The following FOXK1 variants were observed in gnomAD, a reference collection of about 807,000 sequenced individuals.
FOXK1 encodes the protein forkhead box K1.
Under a neutral mutation model 51.9 loss-of-function variants are expected in FOXK1, and 19 were observed. The ratio of observed to expected loss-of-function variants is 0.37; its 90% CI spans 0.26 to 0.54. FOXK1 has a LOEUF of 0.54. Among genes scored for constraint, FOXK1 ranks in the 20% least tolerant of loss-of-function variants. FOXK1 has a pLI of 0.87. For missense variants in FOXK1, 870 were observed against 1,032.7 expected, an observed-to-expected ratio of 0.84 and a Z score of 2.16; for synonymous variants, 537 against 482.6, an observed-to-expected ratio of 1.11 and a Z score of -1.48.
chr7:4,725,384 C>T (rs550295264), intron 1 of FOXK1, among the ~76,000 whole-genome samples: 6 of 152,240 alleles, frequency 3.9e-5, no homozygotes, highest in African/African-American at 1.4e-4. Context: ...GTGATGTCAT[C>T]GGATTTTTTT....
chr7:4,739,652 G>A (rs144189779), intron 1 of FOXK1, among the ~76,000 whole-genome samples: 3 of 152,176 alleles, frequency 2.0e-5, no homozygotes, highest in African/African-American at 7.2e-5. Context: ...CGAGGCTCAC[G>A]GTTTTAAGCC....
rs1781090810 is a variant in FOXK1, at chr7:4,770,902, T to C, written c.*8438T>C. The C allele has an allele frequency of 7.1e-6, 1 of 140,248 alleles. No individual in the cohort carries two copies. Among genetic ancestry groups the C allele is most frequent in the Admixed American group, 7.0e-5 (1 of 14,196 alleles). The allele number at this position is 140,248 out of a possible 1,614,324, so 8.7% of individuals were successfully genotyped here. On this transcript the variant is annotated 3_prime_UTR_variant, in exon 9 of 9. Transcript: ENST00000328914. ...GTGTGTGTGTGTGTGTGTGTGTGTG[T>C]ATTTTTTTTTTTACAGTGGCGCCTG...
intron 1 of FOXK1, among the ~76,000 whole-genome samples, chr7:4,716,297 C>T (rs1780233794): frequency 6.6e-6 from 1 of 151,500 alleles, no homozygotes; most frequent in South Asian, 2.1e-4. Flanking sequence ...GCCAGGAGTT[C>T]AAGACCAGCC....
intron 2 of FOXK1, among the ~76,000 whole-genome samples, chr7:4,746,434 C>T (rs1056978626): frequency 1.8e-4 from 27 of 152,010 alleles, no homozygotes; most frequent in African/African-American, 6.0e-4. Context: ...TGGTGACGCA[C>T]TTTGGGAAGC....
rs933516743 is a variant in FOXK1 at position 4,747,153 on chromosome 7, G to A, written c.746+6130G>A. Among the ~76,000 whole-genome samples, 4 of 152,206 alleles carry A rather than the reference G, an allele frequency of 2.6e-5. No individual in the cohort carries two copies. The highest frequency in any genetic ancestry group is 5.9e-5 in the Non-Finnish European group (4 of 68,038). Reference sequence around the variant, plus strand: ...CCACGCCCGCGTTTCCTGTAATCTCGGAGGGTCCTAGCGCCCGACTTCTCA... The same window carrying A: ...CCACGCCCGCGTTTCCTGTAATCTCAGAGGGTCCTAGCGCCCGACTTCTCA... On this transcript the variant is annotated intron_variant, in intron 2 of 8. Coordinates refer to ENST00000328914, the MANE Select transcript of FOXK1 (RefSeq NM_001037165.2). This position sits in a 1 kb window ranked among gnomAD's most constrained non-coding sequence, Gnocchi z 9.2.
rs1780438967 is a variant in FOXK1, at chr7:4,730,646, C to G, written c.561-10192C>G. On this transcript the variant is annotated intron_variant, in intron 1 of 8. Transcript: ENST00000328914. The surrounding 1 kb of genome is among the most constrained non-coding windows in gnomAD (Gnocchi z 4.7). ...TGAGACGTCCTTGCTGCGGGTTCGT[C>G]TGTAACCTGTGTCCCTTCACTGCCA... is the stretch of plus-strand genomic sequence containing the variant. Among the ~76,000 whole-genome samples the G allele has an allele frequency of 6.6e-6, 1 of 152,218 alleles. No homozygotes were observed. Among genetic ancestry groups the G allele is most frequent in the Non-Finnish European group, 1.5e-5 (1 of 68,036 alleles).
At chr7:4,746,713 A>G (rs892690899) in intron 2 of FOXK1, among the ~76,000 whole-genome samples, 5 of 152,180 alleles carry the variant, frequency 3.3e-5, no homozygotes, top group African/African-American at 7.2e-5. Flanking sequence ...AAAAAACACA[A>G]GTTTGTGGCT....
rs997482798 is a variant in FOXK1, at chr7:4,709,776, C to G, written c.560+26908C>G. On this transcript the variant is annotated intron_variant, in intron 1 of 8. Transcript: ENST00000328914. The surrounding 1 kb of genome is among the most constrained non-coding windows in gnomAD (Gnocchi z 5.6). Reference sequence around the variant, plus strand: ...TAATTCTTGGCGTTGAGTGACCTCACGATGTGCTGTCCGTCTTCTCGCTGT... The same window carrying G: ...TAATTCTTGGCGTTGAGTGACCTCAGGATGTGCTGTCCGTCTTCTCGCTGT... 6.6e-6 allele frequency among the ~76,000 whole-genome samples: 1 copy of G among 152,192 alleles called. No individual in the cohort carries two copies. The highest frequency in any genetic ancestry group is 2.4e-5 in the African/African-American group (1 of 41,444).
intron 1 of FOXK1, among the ~76,000 whole-genome samples, chr7:4,705,562 T>TCTCTCG (rs1780078035): frequency 6.7e-6 from 1 of 150,360 alleles, no homozygotes; most frequent in Non-Finnish European, 1.5e-5. Flanking sequence ...TCTCTCTCGC[T>TCTCTCG]CTCGCTCTCT....
chr7:4,735,361 C>A lies in FOXK1; in HGVS notation c.561-5477C>A, dbSNP rs941198246. The stretch of plus-strand genomic sequence containing the variant: ...TCCCCAAAAACAGCTTGCCTGAGAT[C>A]GACTGCACATACCTTACAACTAACC... On this transcript the variant is annotated intron_variant, in intron 1 of 8. Transcript: ENST00000328914. The surrounding 1 kb of genome is among the most constrained non-coding windows in gnomAD (Gnocchi z 4.7). Among the ~76,000 whole-genome samples the A allele has an allele frequency of 3.9e-5, 6 of 152,196 alleles. No homozygotes were observed. The highest frequency in any genetic ancestry group is 8.8e-5 in the Non-Finnish European group (6 of 68,034).
intron 1 of FOXK1, among the ~76,000 whole-genome samples, chr7:4,726,307 G>C (rs1331059402): frequency 6.6e-6 from 1 of 152,228 alleles, no homozygotes; most frequent in Admixed American, 6.5e-5. Flanking sequence ...GCAGGACGGC[G>C]ATCACCTTCC....
chr7:4,760,721 G>C (rs1347538210), intron 7 of FOXK1, among the ~76,000 whole-genome samples: 3 of 152,064 alleles, frequency 2.0e-5, no homozygotes, highest in African/African-American at 7.2e-5. Context: ...TGTGGTGGCA[G>C]GCGCCTGTAG....
chr7:4,737,438 G>GCGTGTGTGTGCGTGCA (rs1478322598), intron 1 of FOXK1, among the ~76,000 whole-genome samples: 1 of 143,848 alleles, frequency 7.0e-6, no homozygotes, highest in Non-Finnish European at 1.5e-5. Flanking sequence ...GTGTGTGCAT[G>GCGTGTGTGTGCGTGCA]CGTGTGTGTG....
rs987453655 is a variant in FOXK1, at chr7:4,743,044, G to T, written c.746+2021G>T. 6.6e-6 allele frequency among the ~76,000 whole-genome samples: 1 copy of T among 152,178 alleles called. No homozygotes were observed. Among genetic ancestry groups the T allele is most frequent in the Non-Finnish European group, 1.5e-5 (1 of 68,030 alleles). Reference sequence around the variant, plus strand: ...TTCAGCCCCCCACCTTCCCGGGCCCGGTTCCCGTCTGAGTCAGTGCTGTGA... The same window carrying T: ...TTCAGCCCCCCACCTTCCCGGGCCCTGTTCCCGTCTGAGTCAGTGCTGTGA... On this transcript the variant is annotated intron_variant, in intron 2 of 8. Coordinates refer to ENST00000328914, the MANE Select transcript of FOXK1 (RefSeq NM_001037165.2). The surrounding 1 kb of genome is among the most constrained non-coding windows in gnomAD (Gnocchi z 5.3).
rs1263866251 is a variant in FOXK1, at chr7:4,759,445, G to A, written c.1546G>A (p.Val516Met). The change falls in exon 7 of 9, where the codon GTG becomes ATG. Residue 516 changes from valine to methionine, a missense_variant. By Grantham distance (21) the Val-to-Met change is conservative (BLOSUM62 1). Around this residue, in one of 3 missense-constraint regions of FOXK1, gnomAD observed 457 missense variants for 510.8 expected, o/e 0.89. Coordinates refer to ENST00000328914, the MANE Select transcript of FOXK1 (RefSeq NM_001037165.2). ...QQPAGHAIHVVQQAPTVTMVR... is the reference protein window; with the variant it reads ...QQPAGHAIHVMQQAPTVTMVR... The stretch of plus-strand genomic sequence containing the variant: ...GCCCGCGGGCCACGCCATCCACGTC[G>A]TGCAGCAGGCCCCCACCGTCACCAT... The A allele has an allele frequency of 1.9e-6, 3 of 1,593,766 alleles. No homozygotes were observed. Among genetic ancestry groups the A allele is most frequent in the Non-Finnish European group, 8.5e-7 (1 of 1,174,712 alleles).
At position 4,748,869 on chromosome 7, in the gene FOXK1, G is replaced by A. The variant is rs1299882600; in HGVS notation, c.747-5590G>A. Among the ~76,000 whole-genome samples the A allele has an allele frequency of 1.3e-5, 2 of 151,996 alleles. No individual in the cohort carries two copies. The highest frequency in any genetic ancestry group is 2.9e-5 in the Non-Finnish European group (2 of 67,984). ...AATTTTTGTATTTTTTGTAGAGGTG[G>A]GGTCTCCCCATGTTGCCCAGGCTGG... is the stretch of plus-strand genomic sequence containing the variant. On this transcript the variant is annotated intron_variant, in intron 2 of 8. Coordinates refer to ENST00000328914, the MANE Select transcript of FOXK1 (RefSeq NM_001037165.2). The surrounding 1 kb of genome is among the most constrained non-coding windows in gnomAD (Gnocchi z 4.9).
At chr7:4,746,334 C>G (rs1780701604) in intron 2 of FOXK1, among the ~76,000 whole-genome samples, 1 of 152,100 alleles carries the variant, frequency 6.6e-6, no homozygotes, top group Non-Finnish European at 1.5e-5. Context: ...GTTATTGGAT[C>G]TACGTTAGAA....
Position 4,765,935 on chromosome 7 carries a change from ACT to A in FOXK1, c.*3477_*3478del, listed in dbSNP as rs1327848176. 4 of 152,012 alleles carry A rather than the reference ACT, an allele frequency of 2.6e-5. No homozygotes were observed. Among genetic ancestry groups the A allele is most frequent in the African/African-American group, 9.7e-5 (4 of 41,370 alleles). 9.4% of individuals were successfully genotyped at this position (152,012 alleles called of 1,614,324 possible). A position where few individuals can be genotyped will look rare whatever the true frequency, so the allele number is the denominator to read the frequency against. On this transcript the variant is annotated 3_prime_UTR_variant, in exon 9 of 9. Coordinates refer to ENST00000328914, the MANE Select transcript of FOXK1 (RefSeq NM_001037165.2). ...TAGGGCAGCAGCTGGCTCAGGGCAC[ACT>A]CTCTCGTGCCAGCTTCTGCCACCAG...
chr7:4,759,557 C>A lies in FOXK1; in HGVS notation c.1658C>A (p.Ala553Glu). Residue 553 changes from alanine to glutamate, a missense_variant, in exon 7 of 9, where the codon GCG (alanine) becomes GAG (glutamate). By Grantham distance (107) the Ala-to-Glu change is moderately radical. Around this residue, in one of 3 missense-constraint regions of FOXK1, gnomAD observed 457 missense variants for 510.8 expected, o/e 0.89. Coordinates refer to ENST00000328914, the MANE Select transcript of FOXK1 (RefSeq NM_001037165.2). ...GCGGCGGGGGGCTCCCATGATGCGG[C>A]GGGCGCAGCCGTGCTGGACCTGGGC... ...QGAAGGSHDA[A>E]GAAVLDLGSE... 5 of 1,540,848 alleles carry A rather than the reference C, an allele frequency of 3.2e-6. No individual in the cohort carries two copies. Among genetic ancestry groups the A allele is most frequent in the Non-Finnish European group, 4.4e-6 (5 of 1,148,970 alleles).
Sources: gnomAD v4.1 joint callset for allele counts (sites outside exome capture counted in the v4.1 genomes callset) on GRCh38, gnomAD v4.1.1 for gene constraint, gnomAD v4.1.1 regional missense constraint, Gnocchi (gnomAD v3.1) non-coding constraint, MANE v1.5 for transcripts, NCBI Gene and HGNC (gene_info 2026-07-23, HGNC 2026-07-21) for gene names.